The following KIAA1958 variants were observed in gnomAD, a reference collection of about 807,000 sequenced individuals.
KIAA1958 encodes uncharacterized protein KIAA1958.
Under a neutral mutation model 47.2 loss-of-function variants are expected in KIAA1958, and 14 were observed. The observed-to-expected ratio is 0.30, with a 90% CI of 0.20 to 0.46. The LOEUF (loss-of-function observed/expected upper bound fraction) is 0.46, where lower values mean the gene tolerates loss of function less well. Ranked by LOEUF, KIAA1958 falls within the 20% of genes least tolerant of loss-of-function variation. The probability of loss-of-function intolerance (pLI) is 1.00; values close to 1 mark genes in which losing one functional copy is unlikely to be tolerated. For synonymous variants in KIAA1958, 354 were observed against 353.3 expected (o/e 1.00, Z -0.02); for missense variants, 803 against 909.2 (o/e 0.88, Z 1.50).
intron 1 of KIAA1958, among the ~76,000 whole-genome samples, chr9:112,534,076 A>G (rs964148528): frequency 6.6e-6 from 1 of 152,220 alleles, no homozygotes; most frequent in African/African-American, 2.4e-5. Context: ...CTGTAACCTT[A>G]GGCAAGTTAC....
chr9:112,500,708 TACATAATAA>T (rs1834120248), intron 1 of KIAA1958, among the ~76,000 whole-genome samples: 1 of 152,200 alleles, frequency 6.6e-6, no homozygotes, highest in Admixed American at 6.5e-5. Flanking sequence ...CCTTGCACAT[TACATAATAA>T]ACAATATTCT....
chr9:112,575,111 C>T lies in KIAA1958; in HGVS notation c.1031C>T (p.Ser344Phe), dbSNP rs1294336361. 2 of 1,608,584 alleles carry T rather than the reference C, an allele frequency of 1.2e-6. No homozygotes were observed. Among genetic ancestry groups the T allele is most frequent in the African/African-American group, 1.3e-5 (1 of 75,044 alleles). Residue 344 changes from serine to phenylalanine, a missense_variant, in exon 2 of 4, where the codon TCC becomes TTC. By Grantham distance (155) the Ser-to-Phe change is radical. Transcript: ENST00000337530. ...DEQVASEEFL[S>F]HLPSQVSSCE... ...CAAGTTGCCTCTGAAGAGTTCCTGT[C>T]CCATCTGCCCAGCCAGGTCTCCTCC...
chr9:112,495,243 A>G (rs963375950), intron 1 of KIAA1958, among the ~76,000 whole-genome samples: 3 of 152,124 alleles, frequency 2.0e-5, no homozygotes, highest in Admixed American at 6.5e-5. Context: ...TCCTTTTGAA[A>G]TATGTTACAG....
chr9:112,507,556 T>C (rs1834252381), intron 1 of KIAA1958, among the ~76,000 whole-genome samples: 1 of 152,098 alleles, frequency 6.6e-6, no homozygotes, highest in Non-Finnish European at 1.5e-5. Context: ...ACAATATTGC[T>C]CAGGCTGGTT....
intron 1 of KIAA1958, among the ~76,000 whole-genome samples, chr9:112,540,603 TTAA>T (rs755167821): frequency 1.6e-4 from 25 of 152,312 alleles, no homozygotes; most frequent in African/African-American, 5.5e-4. Context: ...TTAGTAACAC[TTAA>T]TAAGCAGAAA....
chr9:112,517,622 C>T (rs1297246120), intron 1 of KIAA1958, among the ~76,000 whole-genome samples: 1 of 152,136 alleles, frequency 6.6e-6, no homozygotes, highest in Non-Finnish European at 1.5e-5. Flanking sequence ...AATTTCTGCT[C>T]TTCAGAAGAT....
intron 1 of KIAA1958, among the ~76,000 whole-genome samples, chr9:112,508,401 A>C (rs1413802149): frequency 6.6e-6 from 1 of 152,238 alleles, no homozygotes; most frequent in Non-Finnish European, 1.5e-5. Flanking sequence ...TTAAATTCTC[A>C]TTCTATTTCT....
intron 1 of KIAA1958, among the ~76,000 whole-genome samples, chr9:112,543,819 C>T (rs904101280): frequency 7.2e-5 from 11 of 152,032 alleles, no homozygotes; most frequent in Admixed American, 6.6e-4. Flanking sequence ...ATGATCCACC[C>T]GCCTCGGCCT....
rs80135802 is a variant in KIAA1958 at position 112,622,237 on chromosome 9, A to G, written c.1172-23413A>G. ...GTCCAGGAGATGTTCACTACAACTG[A>G]ATGCGCTGCCTTTTCAGGCAATCCT... On this transcript the variant is annotated intron_variant, in intron 2 of 3. Coordinates refer to ENST00000337530, the MANE Select transcript of KIAA1958 (RefSeq NM_133465.4). Among the ~76,000 whole-genome samples, 901 of 152,350 alleles carry G rather than the reference A, an allele frequency of 5.9e-3. 15 individuals are homozygous for G. The highest frequency in any genetic ancestry group is 0.02 in the African/African-American group (845 of 41,582).
At chr9:112,607,554 C>G (rs762001594) in intron 2 of KIAA1958, among the ~76,000 whole-genome samples, 1 of 151,932 alleles carries the variant, frequency 6.6e-6, no homozygotes, top group African/African-American at 2.4e-5. Context: ...AAAGAAACAC[C>G]TATACACTTG....
chr9:112,599,535 G>T (rs1184937133), intron 2 of KIAA1958, among the ~76,000 whole-genome samples: 1 of 152,154 alleles, frequency 6.6e-6, no homozygotes, highest in Non-Finnish European at 1.5e-5. Context: ...AACATGTATA[G>T]GTTGTTGAGA....
chr9:112,590,844 A>G (rs564847168), intron 2 of KIAA1958, among the ~76,000 whole-genome samples: 1 of 152,280 alleles, frequency 6.6e-6, no homozygotes, highest in Non-Finnish European at 1.5e-5. Context: ...AATGTGATTG[A>G]TTGATTAAGG....
chr9:112,569,361 C>T (rs1188082273), intron 1 of KIAA1958, among the ~76,000 whole-genome samples: 1 of 152,158 alleles, frequency 6.6e-6, no homozygotes, highest in Non-Finnish European at 1.5e-5. Context: ...TCTTCTTATC[C>T]TATTGTGCAC....
At chr9:112,534,092 C>G (rs1339965567) in intron 1 of KIAA1958, among the ~76,000 whole-genome samples, 2 of 152,196 alleles carry the variant, frequency 1.3e-5, no homozygotes, top group African/African-American at 4.8e-5. Flanking sequence ...GTTACTTAAC[C>G]TCTTTGTGCC....
chr9:112,638,582 G>GT (rs1458848263), intron 2 of KIAA1958, among the ~76,000 whole-genome samples: 1 of 152,018 alleles, frequency 6.6e-6, no homozygotes, highest in Non-Finnish European at 1.5e-5. Context: ...CCTACATTTA[G>GT]TTTTCCTTGT....
intron 2 of KIAA1958, among the ~76,000 whole-genome samples, chr9:112,593,132 A>G (rs1244574575): frequency 2.6e-5 from 4 of 152,162 alleles, no homozygotes; most frequent in African/African-American, 9.7e-5. Flanking sequence ...AATGATGTGT[A>G]TTGCCTTTTA....
intron 1 of KIAA1958, among the ~76,000 whole-genome samples, chr9:112,526,905 C>T (rs10981432): frequency 0.95 from 145,418 of 152,336 alleles, 69,479 homozygotes; most frequent in African/African-American, 0.99. Flanking sequence ...GAAATCCTCT[C>T]TGGACAGCTC....
At chr9:112,509,776 T>C (rs1445195470) in intron 1 of KIAA1958, among the ~76,000 whole-genome samples, 1 of 152,190 alleles carries the variant, frequency 6.6e-6, no homozygotes, top group Non-Finnish European at 1.5e-5. Flanking sequence ...TTTTGGTGAA[T>C]GAAGGCTTTT....
chr9:112,606,314 C>G (rs992265052), intron 2 of KIAA1958, among the ~76,000 whole-genome samples: 1 of 152,158 alleles, frequency 6.6e-6, no homozygotes, highest in African/African-American at 2.4e-5. Context: ...AAGAAACATT[C>G]TGCTGCCTGC....
Sources: gnomAD v4.1 joint callset for allele counts (sites outside exome capture counted in the v4.1 genomes callset) on GRCh38, gnomAD v4.1.1 for gene constraint, MANE v1.5 for transcripts, NCBI Gene and HGNC (gene_info 2026-07-23, HGNC 2026-07-21) for gene names.